The following GMDS variants were observed in gnomAD, a reference collection of about 807,000 sequenced individuals.
The protein encoded by GMDS is GDP-mannose 4,6 dehydratase.
Under a neutral mutation model 49.9 loss-of-function variants are expected in GMDS, and 20 were observed. That is an observed-to-expected ratio of 0.40 (90% confidence interval 0.28 to 0.58). The LOEUF (loss-of-function observed/expected upper bound fraction) is 0.58, where lower values mean the gene tolerates loss of function less well. GMDS is among the 20% of genes least tolerant of loss of function. GMDS has a pLI of 0.42. For missense variants in GMDS, 362 were observed against 481.4 expected (o/e 0.75, Z 2.32); for synonymous variants, 177 against 178.6 (o/e 0.99, Z 0.07).
chr6:1,898,992 A>G (rs988941940), intron 7 of GMDS, among the ~76,000 whole-genome samples: 2 of 152,262 alleles, frequency 1.3e-5, no homozygotes, highest in African/African-American at 4.8e-5. Context: ...AATAATGTAC[A>G]TAACAGTGCT....
In GMDS at chr6:2,233,591, G is replaced by A. The variant is rs1781211057; in HGVS notation, c.102+11730C>T. 2.6e-5 allele frequency among the ~76,000 whole-genome samples: 4 copies of A among 152,312 alleles called. No individual in the cohort carries two copies. In the South Asian group the frequency reaches 8.3e-4, roughly 32 times the overall value. On this transcript the variant is annotated intron_variant, in intron 1 of 10. Coordinates refer to ENST00000380815, the MANE Select transcript of GMDS (RefSeq NM_001500.4). ...TCCCAGCACTTTGAGAGGCTGAGGT[G>A]GGCAGATCACTTGAGGTCAGGAGTT... is the stretch of plus-strand genomic sequence containing the variant.
intron 1 of GMDS, among the ~76,000 whole-genome samples, chr6:2,147,775 G>A (rs904817021): frequency 6.7e-6 from 1 of 150,048 alleles, no homozygotes; most frequent in Non-Finnish European, 1.5e-5. Context: ...TTTTCTTTAA[G>A]AGACTCAAAA....
Position 1,635,858 on chromosome 6 carries a change from G to A in GMDS, c.988-11318C>T, listed in dbSNP as rs548159988. ...TCCAGGCAAGCAGGGCCCAGCCTCG[G>A]CACCTCCAGCACTGCGTCTGGGAGC... On this transcript the variant is annotated intron_variant, in intron 9 of 10. Coordinates refer to ENST00000380815, the MANE Select transcript of GMDS (RefSeq NM_001500.4). The surrounding 1 kb of genome is among the most constrained non-coding windows in gnomAD (Gnocchi z 4.7). 1.3e-5 allele frequency among the ~76,000 whole-genome samples: 2 copies of A among 152,276 alleles called. No homozygotes were observed. Among genetic ancestry groups the A allele is most frequent in the Non-Finnish European group, 2.9e-5 (2 of 68,012 alleles).
intron 9 of GMDS, among the ~76,000 whole-genome samples, chr6:1,671,617 A>G (rs1764428931): frequency 1.3e-5 from 2 of 151,902 alleles, no homozygotes; most frequent in South Asian, 4.1e-4. Flanking sequence ...TGTATAAGAT[A>G]TTAAGGTTGG....
chr6:2,047,037 A>C (rs773454206), intron 4 of GMDS, among the ~76,000 whole-genome samples: 1 of 152,172 alleles, frequency 6.6e-6, no homozygotes, highest in Middle Eastern at 3.2e-3. Context: ...ATACACACAA[A>C]GCAATTACTA....
chr6:1,908,119 G>A (rs79420069), intron 7 of GMDS, among the ~76,000 whole-genome samples: 2,659 of 152,220 alleles, frequency 0.017, 79 homozygotes, highest in African/African-American at 0.061. Context: ...TGATAACCAA[G>A]GAGGCTACTA....
intron 1 of GMDS, among the ~76,000 whole-genome samples, chr6:2,235,515 G>A (rs1781315825): frequency 6.6e-6 from 1 of 152,208 alleles, no homozygotes; most frequent in South Asian, 2.1e-4. Flanking sequence ...GACATAAGAG[G>A]AAAACTGGGG....
chr6:1,976,694 C>A (rs1336959836), intron 4 of GMDS, among the ~76,000 whole-genome samples: 1 of 152,100 alleles, frequency 6.6e-6, no homozygotes, highest in South Asian at 2.1e-4. Context: ...GGTATTAATA[C>A]TTCTGGTATT....
chr6:1,773,073 AG>A (rs1365445961), intron 7 of GMDS, among the ~76,000 whole-genome samples: 2 of 151,736 alleles, frequency 1.3e-5, no homozygotes, highest in Non-Finnish European at 2.9e-5. Context: ...CTTGGCAAGG[AG>A]GGTTTAGACT....
At chr6:2,240,200 C>A (rs921745865) in intron 1 of GMDS, among the ~76,000 whole-genome samples, 2 of 152,182 alleles carry the variant, frequency 1.3e-5, no homozygotes, top group African/African-American at 2.4e-5. Flanking sequence ...CCAAATATTA[C>A]AGAACTTTCT....
chr6:1,961,695 A>C (rs1056929260), intron 4 of GMDS, among the ~76,000 whole-genome samples: 6 of 152,236 alleles, frequency 3.9e-5, no homozygotes, highest in African/African-American at 1.4e-4. Context: ...TAAAATAATA[A>C]GGCTCAAAAT....
chr6:1,860,716 C>T (rs890031397), intron 7 of GMDS, among the ~76,000 whole-genome samples: 2 of 152,168 alleles, frequency 1.3e-5, no homozygotes, highest in Admixed American at 1.3e-4. Flanking sequence ...ACATTGTCAA[C>T]CGTGAAGAAG....
rs1162094508 is a variant in GMDS at position 1,880,340 on chromosome 6, C to T, written c.771+49763G>A. 4.0e-5 allele frequency among the ~76,000 whole-genome samples: 6 copies of T among 151,182 alleles called. No homozygotes were observed. In the East Asian group the frequency reaches 9.7e-4, roughly 24 times the overall value. On this transcript the variant is annotated intron_variant, in intron 7 of 10. Transcript: ENST00000380815. ...AGGTGTGGTGGTGCACGTTTGTTGC[C>T]CCAGCTACTCAGGAGGTTGAGGTGG...
At chr6:2,236,521 G>T (rs993663337) in intron 1 of GMDS, among the ~76,000 whole-genome samples, 1 of 152,172 alleles carries the variant, frequency 6.6e-6, no homozygotes, top group South Asian at 2.1e-4. Context: ...CTTCCATTTT[G>T]AAGGATTCCA....
intron 7 of GMDS, among the ~76,000 whole-genome samples, chr6:1,831,560 T>A (rs1324873402): frequency 6.6e-6 from 1 of 152,136 alleles, no homozygotes; most frequent in African/African-American, 2.4e-5. Context: ...AAAATAAAAA[T>A]AAACACTGTA....
At chr6:2,065,478 C>G (rs1263077415) in intron 4 of GMDS, among the ~76,000 whole-genome samples, 1 of 152,020 alleles carries the variant, frequency 6.6e-6, no homozygotes, top group East Asian at 1.9e-4. Context: ...CTCCGAGTTA[C>G]AAGAGGACAT....
intron 9 of GMDS, among the ~76,000 whole-genome samples, chr6:1,637,898 G>T (rs529628673): frequency 6.6e-6 from 1 of 152,186 alleles, no homozygotes; most frequent in African/African-American, 2.4e-5. Context: ...TGTGCCACTC[G>T]AGGTGGATCC....
intron 1 of GMDS, among the ~76,000 whole-genome samples, chr6:2,243,537 A>G (rs1781713145): frequency 6.6e-6 from 1 of 152,178 alleles, no homozygotes; most frequent in Admixed American, 6.5e-5. Context: ...GACAAAATGG[A>G]AAAAAGGGAA....
intron 1 of GMDS, among the ~76,000 whole-genome samples, chr6:2,186,428 A>C (rs955223686): frequency 5.9e-5 from 9 of 152,218 alleles, no homozygotes; most frequent in Non-Finnish European, 1.3e-4. Context: ...AAAGGGCACT[A>C]TTTAAAGATT....
Sources: gnomAD v4.1 joint callset for allele counts (sites outside exome capture counted in the v4.1 genomes callset) on GRCh38, gnomAD v4.1.1 for gene constraint, Gnocchi (gnomAD v3.1) non-coding constraint, MANE v1.5 for transcripts, NCBI Gene and HGNC (gene_info 2026-07-23, HGNC 2026-07-21) for gene names.